Variants in MDGA2 observed in about 807,000 individuals in gnomAD.
MDGA2 encodes the protein MAM domain containing glycosylphosphatidylinositol anchor 2.
Under a neutral mutation model 117.8 loss-of-function variants are expected in MDGA2, and 40 were observed. The ratio of observed to expected loss-of-function variants is 0.34; its 90% CI spans 0.26 to 0.44. The LOEUF (loss-of-function observed/expected upper bound fraction) is 0.44. Ranked by LOEUF, MDGA2 falls within the 20% of genes least tolerant of loss-of-function variation. The probability of loss-of-function intolerance (pLI) is 1.00; values close to 1 mark genes in which losing one functional copy is unlikely to be tolerated. For synonymous variants in MDGA2, 452 were observed against 439.0 expected, an observed-to-expected ratio of 1.03 and a Z score of -0.37; for missense variants, 1,123 against 1,250.6, an observed-to-expected ratio of 0.90 and a Z score of 1.54.
At chr14:47,553,085 C>T (rs1391783842) in intron 1 of MDGA2, among the ~76,000 whole-genome samples, 1 of 152,194 alleles carries the variant, frequency 6.6e-6, no homozygotes, top group African/African-American at 2.4e-5. Context: ...CCTGAGGCGG[C>T]CCTAACCTGA....
chr14:47,389,805 C>T (rs1891852662), intron 1 of MDGA2, among the ~76,000 whole-genome samples: 1 of 152,100 alleles, frequency 6.6e-6, no homozygotes, highest in Non-Finnish European at 1.5e-5. Context: ...CTTTAAAATG[C>T]CCAAGGGTAG....
At chr14:47,337,885 T>C (rs1325510059) in intron 1 of MDGA2, among the ~76,000 whole-genome samples, 1 of 152,034 alleles carries the variant, frequency 6.6e-6, no homozygotes, top group African/African-American at 2.4e-5. Flanking sequence ...GCCCACTTTG[T>C]TTAGTGTAAG....
chr14:47,435,936 A>G (rs1892888148), intron 1 of MDGA2, among the ~76,000 whole-genome samples: 2 of 152,024 alleles, frequency 1.3e-5, no homozygotes, highest in South Asian at 4.1e-4. Context: ...ATTGTTTCCA[A>G]CTGACCTAAA....
chr14:47,551,540 T>C (rs1036824459), intron 1 of MDGA2, among the ~76,000 whole-genome samples: 3 of 152,198 alleles, frequency 2.0e-5, no homozygotes, highest in Non-Finnish European at 4.4e-5. Context: ...CCATCCTACA[T>C]TAATAATTTC....
chr14:47,137,969 C>T (rs1219246001), intron 4 of MDGA2, among the ~76,000 whole-genome samples: 1 of 152,060 alleles, frequency 6.6e-6, no homozygotes, highest in African/African-American at 2.4e-5. Context: ...GTGGGTAATA[C>T]AGATGAAGTC....
At chr14:47,550,588 A>C (rs879281753) in intron 1 of MDGA2, among the ~76,000 whole-genome samples, 16 of 152,124 alleles carry the variant, frequency 1.1e-4, no homozygotes, top group Admixed American at 7.9e-4. Flanking sequence ...AATCACAGAA[A>C]TTCTTAGATG....
chr14:47,081,519 G>C (rs1337199486), intron 6 of MDGA2, among the ~76,000 whole-genome samples: 2 of 152,032 alleles, frequency 1.3e-5, no homozygotes, highest in Admixed American at 1.3e-4. Context: ...ATTAGGCAGA[G>C]AATTTAGACA....
intron 1 of MDGA2, among the ~76,000 whole-genome samples, chr14:47,556,252 C>T (rs10782413): frequency 0.79 from 119,584 of 152,030 alleles, 47,332 homozygotes; most frequent in East Asian, 1. Context: ...AAACTCCAGA[C>T]AGTGACATTT....
intron 10 of MDGA2, among the ~76,000 whole-genome samples, chr14:46,887,771 T>G (rs1055839671): frequency 1.3e-5 from 2 of 150,920 alleles, no homozygotes; most frequent in African/African-American, 4.8e-5. Flanking sequence ...ATTTTAGATT[T>G]ATATATATAT....
At chr14:47,576,861 G>A (rs1053893805) in intron 1 of MDGA2, among the ~76,000 whole-genome samples, 3 of 152,036 alleles carry the variant, frequency 2.0e-5, no homozygotes, top group Admixed American at 6.6e-5. Context: ...CAATCCTCCT[G>A]CCTCAGCCTC....
intron 2 of MDGA2, among the ~76,000 whole-genome samples, chr14:47,286,005 A>G (rs1247241230): frequency 6.6e-6 from 1 of 151,790 alleles, no homozygotes; most frequent in African/African-American, 2.4e-5. Context: ...TGAAGCTTTT[A>G]TGTTTAGGGT....
chr14:47,525,198 T>G (rs938392496), intron 1 of MDGA2, among the ~76,000 whole-genome samples: 5 of 152,186 alleles, frequency 3.3e-5, no homozygotes, highest in Non-Finnish European at 7.3e-5. Context: ...CACTCGAAAT[T>G]TTTTAAGACT....
At chr14:47,468,106 A>G (rs997515156) in intron 1 of MDGA2, among the ~76,000 whole-genome samples, 1 of 152,120 alleles carries the variant, frequency 6.6e-6, no homozygotes, top group African/African-American at 2.4e-5. Context: ...ACAGCTGAGG[A>G]GTGGAAGGCA....
intron 1 of MDGA2, among the ~76,000 whole-genome samples, chr14:47,348,792 T>G (rs894880054): frequency 6.6e-6 from 1 of 152,100 alleles, no homozygotes; most frequent in Non-Finnish European, 1.5e-5. Context: ...AAAATTTTAT[T>G]TTAGCGGCTT....
chr14:46,966,158 C>T (rs1886022892), intron 8 of MDGA2, among the ~76,000 whole-genome samples: 1 of 152,052 alleles, frequency 6.6e-6, no homozygotes, highest in African/African-American at 2.4e-5. Flanking sequence ...AAGATATTCA[C>T]ACAGATTATC....
chr14:47,421,849 T>C (rs1389364153), intron 1 of MDGA2, among the ~76,000 whole-genome samples: 1 of 152,204 alleles, frequency 6.6e-6, no homozygotes, highest in African/African-American at 2.4e-5. Flanking sequence ...GAATGCATTC[T>C]TTTTGAGTTT....
At position 47,075,883 on chromosome 14, in the gene MDGA2, A is replaced by G. The variant is rs1459488107; in HGVS notation, c.1196-14305T>C. Among the ~76,000 whole-genome samples, 3 of 152,292 alleles carry G rather than the reference A, an allele frequency of 2.0e-5. 1 individual carries two copies. Among genetic ancestry groups the G allele is most frequent in the African/African-American group, 4.8e-5 (2 of 41,576 alleles). ...AAAATCTGTACCCTCCAGTGATAAC[A>G]GTGGACTATGCATTTTTACATTTCT... On this transcript the variant is annotated intron_variant, in intron 6 of 16. Coordinates refer to ENST00000399232, the MANE Select transcript of MDGA2 (RefSeq NM_001113498.3).
At chr14:46,920,882 TAAAAC>T (rs1386072865) in intron 9 of MDGA2, among the ~76,000 whole-genome samples, 4 of 152,222 alleles carry the variant, frequency 2.6e-5, no homozygotes, top group African/African-American at 9.6e-5. Flanking sequence ...TAATAAAACT[TAAAAC>T]AATTAATTAA....
intron 1 of MDGA2, among the ~76,000 whole-genome samples, chr14:47,364,487 A>T (rs777276692): frequency 6.6e-6 from 1 of 152,074 alleles, no homozygotes; most frequent in Non-Finnish European, 1.5e-5. Flanking sequence ...AATGGTCTCG[A>T]TCTCCTGACA....
Sources: gnomAD v4.1 joint callset for allele counts (sites outside exome capture counted in the v4.1 genomes callset) on GRCh38, gnomAD v4.1.1 for gene constraint, MANE v1.5 for transcripts, NCBI Gene and HGNC (gene_info 2026-07-23, HGNC 2026-07-21) for gene names.